The following MIOS variants were observed in gnomAD, a reference collection of about 807,000 sequenced individuals.
The protein encoded by MIOS is meiosis regulator for oocyte development, also known as GATOR2 complex protein MIOS.
Under a neutral mutation model 96.9 loss-of-function variants are expected in MIOS, and 52 were observed. The ratio of observed to expected loss-of-function variants is 0.54; its 90% CI spans 0.43 to 0.68. MIOS has a LOEUF of 0.68. Among genes scored for constraint, MIOS ranks in the 30% least tolerant of loss-of-function variants. The pLI is 0.00. For missense variants in MIOS, 1,005 were observed against 1,052.8 expected, an observed-to-expected ratio of 0.95 and a Z score of 0.63; for synonymous variants, 397 against 359.5, an observed-to-expected ratio of 1.10 and a Z score of -1.18.
rs991366940 is a variant in MIOS, at chr7:7,606,212, G to C, written c.2531+141G>C. ...TACTGTCACTCATGTTAACAAAGGT[G>C]GTGTGAACATGTCGTGATTAGATAT... is the stretch of plus-strand genomic sequence containing the variant. On this transcript the variant is annotated intron_variant, in intron 12 of 12. Coordinates refer to ENST00000340080, the MANE Select transcript of MIOS (RefSeq NM_019005.4). The C allele has an allele frequency of 2.7e-6, 3 of 1,094,700 alleles. No individual in the cohort carries two copies. In the East Asian group the frequency reaches 7.3e-5, roughly 27 times the overall value. 67.8% of individuals were successfully genotyped at this position (1,094,700 alleles called of 1,614,324 possible). A position where few individuals can be genotyped will look rare whatever the true frequency, so the allele number is the denominator to read the frequency against.
chr7:7,580,678 C>G (rs566403395), intron 5 of MIOS, among the ~76,000 whole-genome samples: 11 of 143,816 alleles, frequency 7.6e-5, no homozygotes, highest in African/African-American at 2.8e-4. Context: ...AGACCTTTGA[C>G]TATGTACTAT....
intron 11 of MIOS, among the ~76,000 whole-genome samples, chr7:7,602,965 G>A (rs1380659306): frequency 1.3e-5 from 2 of 152,134 alleles, no homozygotes; most frequent in East Asian, 3.9e-4. Context: ...AACAAGCAAT[G>A]GGGAAAGGAT....
intron 9 of MIOS, among the ~76,000 whole-genome samples, chr7:7,593,015 A>G (rs1784093461): frequency 1.3e-5 from 2 of 152,142 alleles, no homozygotes; most frequent in African/African-American, 2.4e-5. Context: ...TTCATTACAG[A>G]TCATGTTGTG....
In MIOS at chr7:7,607,368, A is replaced by T. The variant is rs1212638450; in HGVS notation, c.*276A>T. On this transcript the variant is annotated 3_prime_UTR_variant, in exon 13 of 13. Coordinates refer to ENST00000340080, the MANE Select transcript of MIOS (RefSeq NM_019005.4). Reference sequence around the variant, plus strand: ...AACTTTCTAAGTTTTGGTTGAAATTATGAACACTCTAGAAGCAGAATTTCT... The same window carrying T: ...AACTTTCTAAGTTTTGGTTGAAATTTTGAACACTCTAGAAGCAGAATTTCT... 4.0e-6 allele frequency: 1 copy of T among 248,114 alleles called. No individual in the cohort carries two copies. The highest frequency in any genetic ancestry group is 2.3e-5 in the African/African-American group (1 of 43,868). The allele number at this position is 248,114 out of a possible 1,614,324, so 15.4% of individuals were successfully genotyped here.
intron 11 of MIOS, 97 bp downstream of exon 11, chr7:7,596,558 T>G (rs908419395): frequency 3.2e-6 from 4 of 1,236,354 alleles, no homozygotes; most frequent in Non-Finnish European, 4.6e-6. Context: ...CTAGAGTTAT[T>G]ATTTCTAAGA....
intron 3 of MIOS, among the ~76,000 whole-genome samples, chr7:7,570,283 A>T (rs1252861120): frequency 1.3e-5 from 2 of 152,188 alleles, no homozygotes; most frequent in African/African-American, 4.8e-5. Flanking sequence ...GACTGGGGAA[A>T]GGCAAACCCA....
intron 5 of MIOS, among the ~76,000 whole-genome samples, chr7:7,581,166 A>G (rs1197088242): frequency 2.0e-5 from 3 of 151,456 alleles, no homozygotes; most frequent in Non-Finnish European, 4.4e-5. Flanking sequence ...TACTAAAAAT[A>G]CAAAAATTAG....
intron 5 of MIOS, among the ~76,000 whole-genome samples, chr7:7,576,278 A>G (rs966756840): frequency 6.6e-6 from 1 of 152,234 alleles, no homozygotes; most frequent in South Asian, 2.1e-4. Flanking sequence ...AACTAGAGAC[A>G]TAACTCTCAA....
At chr7:7,594,949 A>G in intron 9 of MIOS, 31 bp from the exon 10 acceptor site, 2 of 1,550,952 alleles carry the variant, frequency 1.3e-6, no homozygotes, top group Non-Finnish European at 1.7e-6. Flanking sequence ...GAGATTTTAA[A>G]CAATTGAAAT....
intron 3 of MIOS, among the ~76,000 whole-genome samples, chr7:7,570,613 C>A (rs1304236784): frequency 6.6e-6 from 1 of 151,740 alleles, no homozygotes; most frequent in Non-Finnish European, 1.5e-5. Flanking sequence ...GCTTGTTTTC[C>A]TGCAACTAGA....
chr7:7,587,697 T>C (rs191754965), intron 7 of MIOS, among the ~76,000 whole-genome samples: 7 of 152,216 alleles, frequency 4.6e-5, no homozygotes, highest in Admixed American at 4.6e-4. Context: ...GTTCTCTCTT[T>C]AGGGCAAAAC....
At chr7:7,569,020 C>A (rs1022163260) in intron 3 of MIOS, among the ~76,000 whole-genome samples, 3 of 152,148 alleles carry the variant, frequency 2.0e-5, no homozygotes, top group Non-Finnish European at 4.4e-5. Flanking sequence ...AGATTGCTTA[C>A]CATAGACCAT....
rs1470394433 is a variant in MIOS, at chr7:7,607,616, A to G, written c.*524A>G. On this transcript the variant is annotated 3_prime_UTR_variant, in exon 13 of 13. Transcript: ENST00000340080. ...CCCACACTGGAGAATATTTTTTATT[A>G]CTGTCTGTTATATATGTGTCTATGT... is the stretch of plus-strand genomic sequence containing the variant. 6.5e-6 allele frequency: 1 copy of G among 152,970 alleles called. No homozygotes were observed. The highest frequency in any genetic ancestry group is 1.5e-5 in the Non-Finnish European group (1 of 68,656). 9.5% of individuals were successfully genotyped at this position (152,970 alleles called of 1,614,324 possible).
rs1411873908 is a variant in MIOS, at chr7:7,572,757, A to G, written c.282A>G (p.Gln94=). 1.2e-6 allele frequency: 2 copies of G among 1,614,182 alleles called. No homozygotes were observed. The highest frequency in any genetic ancestry group is 2.2e-5 in the East Asian group (1 of 44,884). ...GAGTTGTACTTACAAGCCTTGGTCA[A>G]GATCATAACTCAAAGTTCAAAGATT... ...NGRVVLTSLG[Q]DHNSKFKDLI... Residue 94 remains glutamine, a synonymous_variant, in exon 4 of 13, where the codon CAA becomes CAG. Coordinates refer to ENST00000340080, the MANE Select transcript of MIOS (RefSeq NM_019005.4). The surrounding 1 kb of genome is among the most constrained non-coding windows in gnomAD (Gnocchi z 4.8).
intron 11 of MIOS, among the ~76,000 whole-genome samples, chr7:7,597,018 G>C (rs1443018402): frequency 2.0e-5 from 3 of 152,010 alleles, no homozygotes; most frequent in African/African-American, 7.2e-5. Context: ...AAAATAGTGA[G>C]ACCCCATCTC....
At chr7:7,599,601 G>A (rs907971408) in intron 11 of MIOS, among the ~76,000 whole-genome samples, 6 of 152,176 alleles carry the variant, frequency 3.9e-5, no homozygotes, top group Admixed American at 3.9e-4. Flanking sequence ...CTAGGGTGAA[G>A]AGATTGGTAA....
chr7:7,567,487 G>A (rs1333077568), intron 1 of MIOS, 120 bp from the exon 2 acceptor site: 2 of 152,086 alleles, frequency 1.3e-5, no homozygotes, highest in Non-Finnish European at 2.9e-5. Flanking sequence ...GTCTCCCGGT[G>A]AGCTCTGTTC....
At chr7:7,576,752 G>A (rs763243555) in intron 5 of MIOS, among the ~76,000 whole-genome samples, 3 of 152,176 alleles carry the variant, frequency 2.0e-5, no homozygotes, top group African/African-American at 4.8e-5. Context: ...ATATCAGATA[G>A]AAGCCTGCTG....
At chr7:7,579,577 C>G (rs1342540729) in intron 5 of MIOS, among the ~76,000 whole-genome samples, 1 of 152,178 alleles carries the variant, frequency 6.6e-6, no homozygotes, top group East Asian at 1.9e-4. Context: ...CCAATCTTGT[C>G]TTCCCTGGGC....
Sources: allele counts gnomAD v4.1 joint callset (sites outside exome capture counted in the v4.1 genomes callset), GRCh38; gene constraint gnomAD v4.1.1; non-coding constraint Gnocchi (gnomAD v3.1); transcripts MANE v1.5; gene names NCBI Gene and HGNC (gene_info 2026-07-23, HGNC 2026-07-21).